The following GUCY1A2 variants were observed in gnomAD, a reference collection of about 807,000 sequenced individuals.
GUCY1A2 encodes guanylate cyclase 1 soluble subunit alpha 2.
A neutral mutation model predicts 63.5 loss-of-function variants in GUCY1A2; 27 were observed. The observed-to-expected ratio is 0.43, with a 90% confidence interval of 0.31 to 0.59. The LOEUF is 0.59. Among genes scored for constraint, GUCY1A2 ranks in the 20% least tolerant of loss-of-function variants. The pLI, the probability that GUCY1A2 is intolerant of heterozygous loss-of-function variation, is 0.11. For missense variants in GUCY1A2, 768 were observed against 913.3 expected (o/e 0.84, Z 2.05); for synonymous variants, 364 against 343.5 (o/e 1.06, Z -0.66).
chr11:107,016,916 G>A (rs1360210188), intron 1 of GUCY1A2, among the ~76,000 whole-genome samples: 1 of 152,212 alleles, frequency 6.6e-6, no homozygotes, highest in Non-Finnish European at 1.5e-5. Flanking sequence ...AATAGCTAAT[G>A]CATGCGAAGC....
chr11:106,943,547 C>G (rs1283930067), intron 3 of GUCY1A2, among the ~76,000 whole-genome samples: 1 of 152,224 alleles, frequency 6.6e-6, no homozygotes, highest in East Asian at 1.9e-4. Flanking sequence ...TGTCTCTCAT[C>G]TGCTATCCCA....
At chr11:106,956,811 G>A (rs1305998107) in intron 3 of GUCY1A2, among the ~76,000 whole-genome samples, 1 of 152,124 alleles carries the variant, frequency 6.6e-6, no homozygotes, top group Admixed American at 6.5e-5. Context: ...GTCCTTTGGT[G>A]GAGAGGGTAT....
At chr11:106,838,484 T>C (rs945163416) in intron 4 of GUCY1A2, among the ~76,000 whole-genome samples, 1 of 151,942 alleles carries the variant, frequency 6.6e-6, no homozygotes, top group Non-Finnish European at 1.5e-5. Context: ...ATTCATAAAT[T>C]TATTCATATC....
At chr11:107,005,966 TAAG>T (rs1368185222) in intron 1 of GUCY1A2, among the ~76,000 whole-genome samples, 1 of 152,182 alleles carries the variant, frequency 6.6e-6, no homozygotes, top group Non-Finnish European at 1.5e-5. Flanking sequence ...GGATAACTGG[TAAG>T]AAGGTGTTAG....
chr11:106,906,760 A>G (rs1295368852), intron 4 of GUCY1A2, among the ~76,000 whole-genome samples: 2 of 152,204 alleles, frequency 1.3e-5, no homozygotes, highest in African/African-American at 4.8e-5. Context: ...GCAGCCATAA[A>G]AAGGATGAGT....
intron 6 of GUCY1A2, among the ~76,000 whole-genome samples, chr11:106,743,396 A>C (rs1591258096): frequency 6.6e-6 from 1 of 152,220 alleles, no homozygotes; most frequent in East Asian, 1.9e-4. Flanking sequence ...AGTGGTGATA[A>C]TGATGAGAAG....
intron 3 of GUCY1A2, among the ~76,000 whole-genome samples, chr11:106,965,527 A>G (rs561669603): frequency 6.6e-6 from 1 of 152,294 alleles, no homozygotes; most frequent in East Asian, 1.9e-4. Flanking sequence ...TGATTTGTGG[A>G]TTTTACTTCC....
chr11:106,991,079 T>C (rs1410132008), intron 1 of GUCY1A2, among the ~76,000 whole-genome samples: 1 of 152,020 alleles, frequency 6.6e-6, no homozygotes, highest in Non-Finnish European at 1.5e-5. Context: ...AACCTCTGCC[T>C]CCCAGGATCA....
intron 4 of GUCY1A2, among the ~76,000 whole-genome samples, chr11:106,881,727 C>T (rs1859826603): frequency 6.6e-6 from 1 of 151,970 alleles, no homozygotes; most frequent in Non-Finnish European, 1.5e-5. Context: ...GAAAGCTCTA[C>T]AGTAAATGCC....
intron 3 of GUCY1A2, among the ~76,000 whole-genome samples, chr11:106,967,856 ATGTATC>A (rs1278052453): frequency 6.6e-6 from 1 of 152,302 alleles, no homozygotes; most frequent in East Asian, 1.9e-4. Flanking sequence ...GACATTAAGC[ATGTATC>A]TGGAAGACAA....
At chr11:106,983,445 A>C (rs1427024562) in intron 2 of GUCY1A2, among the ~76,000 whole-genome samples, 2 of 152,212 alleles carry the variant, frequency 1.3e-5, no homozygotes, top group East Asian at 1.9e-4. Flanking sequence ...TGACCCTTCG[A>C]AACAGCTGCT....
At chr11:106,833,486 G>A (rs1007142145) in intron 4 of GUCY1A2, among the ~76,000 whole-genome samples, 2 of 152,034 alleles carry the variant, frequency 1.3e-5, no homozygotes, top group Non-Finnish European at 2.9e-5. Context: ...CACCATTCTT[G>A]ATTCCTTTTC....
chr11:106,933,540 T>C (rs971288381), intron 4 of GUCY1A2, among the ~76,000 whole-genome samples: 2 of 152,184 alleles, frequency 1.3e-5, no homozygotes, highest in Admixed American at 1.3e-4. Context: ...AGTTTGGAGA[T>C]TTCTCAAAGA....
At chr11:106,905,712 G>T (rs1860195771) in intron 4 of GUCY1A2, among the ~76,000 whole-genome samples, 1 of 152,090 alleles carries the variant, frequency 6.6e-6, no homozygotes, top group Admixed American at 6.6e-5. Flanking sequence ...AAGGAGGGCA[G>T]CTCATGCTCA....
chr11:106,688,596 A>C (rs1409128425), intron 7 of GUCY1A2, among the ~76,000 whole-genome samples: 4 of 152,206 alleles, frequency 2.6e-5, no homozygotes, highest in Non-Finnish European at 5.9e-5. Context: ...CAGTTTTGTC[A>C]ACAGATATAG....
intron 4 of GUCY1A2, chr11:106,827,098 A>G (rs535173678): frequency 1.7e-5 from 25 of 1,493,028 alleles, no homozygotes; most frequent in Admixed American, 1.7e-5. Flanking sequence ...CTGAAGGTAG[A>G]TTTTCTTTAC....
Position 106,913,974 on chromosome 11 carries a change from G to A in GUCY1A2, c.1206+25486C>T, listed in dbSNP as rs1860331239. On this transcript the variant is annotated intron_variant, in intron 4 of 7. Coordinates refer to ENST00000526355, the MANE Select transcript of GUCY1A2 (RefSeq NM_000855.3). ...TTGTTGGGTCATTGATTTCAATCAGGTAATGAAAAAGCAAAAAAAAAAAAA... is the reference window on the plus strand; with the variant it reads ...TTGTTGGGTCATTGATTTCAATCAGATAATGAAAAAGCAAAAAAAAAAAAA... 4.1e-5 allele frequency among the ~76,000 whole-genome samples: 5 copies of A among 121,546 alleles called. No individual in the cohort carries two copies. In the South Asian group the frequency reaches 1.5e-3, roughly 35 times the overall value. The allele number at this position is 121,546 out of a possible 152,430, so 79.7% of individuals were successfully genotyped here.
chr11:106,690,161 C>T (rs1043126415), intron 7 of GUCY1A2, among the ~76,000 whole-genome samples: 7 of 152,178 alleles, frequency 4.6e-5, no homozygotes. Context: ...CCAGCAATCC[C>T]ATTACTGGGA....
chr11:106,760,124 C>A (rs1426875021), intron 6 of GUCY1A2, among the ~76,000 whole-genome samples: 1 of 152,158 alleles, frequency 6.6e-6, no homozygotes, highest in African/African-American at 2.4e-5. Context: ...ACACGTTGAT[C>A]TCGGGATTCT....
Sources: allele counts gnomAD v4.1 joint callset (sites outside exome capture counted in the v4.1 genomes callset), GRCh38; gene constraint gnomAD v4.1.1; transcripts MANE v1.5; gene names NCBI Gene and HGNC (gene_info 2026-07-23, HGNC 2026-07-21).